The following GRB10 variants were observed in gnomAD, a reference collection of about 807,000 sequenced individuals.
GRB10 encodes growth factor receptor-bound protein 10.
Under a neutral mutation model 80.9 loss-of-function variants are expected in GRB10, and 20 were observed. That is an observed-to-expected ratio of 0.25 (90% CI 0.17 to 0.36). GRB10 has a LOEUF of 0.36. Among genes scored for constraint, GRB10 ranks in the 10% least tolerant of loss-of-function variants. The pLI is 1.00. For synonymous variants in GRB10, 291 were observed against 291.5 expected, an observed-to-expected ratio of 1.00 and a Z score of 0.02; for missense variants, 548 against 747.7, an observed-to-expected ratio of 0.73 and a Z score of 3.12.
intron 7 of GRB10, among the ~76,000 whole-genome samples, chr7:50,653,993 G>A (rs917155155): frequency 1.3e-5 from 2 of 152,182 alleles, no homozygotes; most frequent in Admixed American, 1.3e-4. Flanking sequence ...CTTGTGTTCC[G>A]TCTTCTCGGG....
intron 7 of GRB10, among the ~76,000 whole-genome samples, chr7:50,628,117 C>T (rs1218821716): frequency 6.6e-6 from 1 of 152,202 alleles, no homozygotes; most frequent in Admixed American, 6.5e-5. Context: ...TCAGAAAAAC[C>T]CCCGCTCAAT....
Position 50,604,392 on chromosome 7 carries a change from C to T in GRB10, c.1390-15G>A. ...GTGCTTCGCTTCTGCAAAAGAAATC[C>T]CACATTAGCACCGAGGACAGCAGAC... On this transcript the variant is annotated splice_polypyrimidine_tract_variant and intron_variant, in intron 15 of 18. Transcript: ENST00000401949. 5 of 1,607,326 alleles carry T rather than the reference C, an allele frequency of 3.1e-6. No individual in the cohort carries two copies. The highest frequency in any genetic ancestry group is 4.3e-6 in the Non-Finnish European group (5 of 1,175,080).
Position 50,703,730 on chromosome 7 carries a change from T to C in GRB10, c.139+91A>G, listed in dbSNP as rs1303910671. 1.3e-5 allele frequency: 11 copies of C among 869,340 alleles called. No homozygotes were observed. In the Admixed American group the frequency reaches 1.4e-4, roughly 11 times the overall value. The allele number at this position is 869,340 out of a possible 1,614,324, so 53.9% of individuals were successfully genotyped here. A position where few individuals can be genotyped will look rare whatever the true frequency, so the allele number is the denominator to read the frequency against. ...AACCAATGTTAGAATTGTAATCTAT[T>C]AGTGTCAAGAGCAACATTTTAGAAT... On this transcript the variant is annotated intron_variant, in intron 5 of 18. Coordinates refer to ENST00000401949, the MANE Select transcript of GRB10 (RefSeq NM_001350814.2).
At chr7:50,691,796 T>C (rs141204387) in intron 5 of GRB10, among the ~76,000 whole-genome samples, 30 of 152,342 alleles carry the variant, frequency 2.0e-4, no homozygotes, top group African/African-American at 6.7e-4. Context: ...GTATTTAGTG[T>C]CTGGGGTGGG....
chr7:50,783,936 T>G (rs2078565552), upstream of GRB10, among the ~76,000 whole-genome samples: 1 of 152,134 alleles, frequency 6.6e-6, no homozygotes, highest in African/African-American at 2.4e-5. Flanking sequence ...AGATATGCAC[T>G]CCAAAAGGAG....
chr7:50,715,187 G>A (rs2066657262), intron 4 of GRB10, among the ~76,000 whole-genome samples: 1 of 151,200 alleles, frequency 6.6e-6, no homozygotes, highest in South Asian at 2.1e-4. Flanking sequence ...GCTCCAGCCT[G>A]GGGCTCCCAG....
intron 4 of GRB10, among the ~76,000 whole-genome samples, chr7:50,727,274 T>C (rs370431220): frequency 2.4e-4 from 37 of 152,308 alleles, no homozygotes; most frequent in African/African-American, 8.2e-4. Flanking sequence ...TCCCCTCTAC[T>C]TGTCTGCACA....
intron 9 of GRB10, 96 bp from the exon 10 acceptor site, chr7:50,618,235 C>A (rs1054092523): frequency 1.9e-5 from 17 of 905,446 alleles, no homozygotes; most frequent in Non-Finnish European, 2.9e-5. Flanking sequence ...CTATTCCTAC[C>A]AGTATAATTA....
chr7:50,678,997 G>A (rs1039003156), intron 5 of GRB10, among the ~76,000 whole-genome samples: 2 of 152,202 alleles, frequency 1.3e-5, no homozygotes, highest in Non-Finnish European at 2.9e-5. Flanking sequence ...GGGAGGAATA[G>A]TGAAAGGTGA....
At chr7:50,640,787 T>C (rs1192792821) in intron 7 of GRB10, among the ~76,000 whole-genome samples, 1 of 152,232 alleles carries the variant, frequency 6.6e-6, no homozygotes, top group Non-Finnish European at 1.5e-5. Context: ...TTTTCCTAAA[T>C]TGGAATTAAC....
intron 3 of GRB10, among the ~76,000 whole-genome samples, chr7:50,744,061 C>T (rs547710229): frequency 3.9e-5 from 6 of 152,184 alleles, no homozygotes; most frequent in South Asian, 2.1e-4. Context: ...CCGCATTCAC[C>T]GAGAGTGGAT....
In GRB10 at chr7:50,616,204, G is replaced by A. The variant is rs2050617712; in HGVS notation, c.984+6C>T. ...AGGGCTGGTGGTGGTAGCTTTTAAA[G>A]CTCACCTTTGAAGTTCCCTTGGTGG... On this transcript the variant is annotated splice_donor_region_variant and intron_variant, in intron 11 of 18. Coordinates refer to ENST00000401949, the MANE Select transcript of GRB10 (RefSeq NM_001350814.2). 4.3e-6 allele frequency: 7 copies of A among 1,614,178 alleles called. No individual in the cohort carries two copies. The highest frequency in any genetic ancestry group is 3.3e-5 in the South Asian group (3 of 91,072).
chr7:50,619,307 T>G, intron 8 of GRB10, 22 bp from the exon 9 acceptor site: 1 of 1,394,120 alleles, frequency 7.2e-7, no homozygotes, highest in African/African-American at 1.4e-5. Context: ...AAGCATCACG[T>G]GTGAGACGCA....
At chr7:50,653,339 A>G (rs2058224858) in intron 7 of GRB10, among the ~76,000 whole-genome samples, 1 of 152,190 alleles carries the variant, frequency 6.6e-6, no homozygotes, top group Non-Finnish European at 1.5e-5. Flanking sequence ...CACAGCATAC[A>G]TAAGGGCTTG....
intron 1 of GRB10, among the ~76,000 whole-genome samples, chr7:50,789,171 G>A (rs1224835669): frequency 2.6e-5 from 4 of 152,198 alleles, no homozygotes; most frequent in Non-Finnish European, 5.9e-5. Context: ...AGAACATTCA[G>A]ATAAATTCAA....
chr7:50,685,679 G>C (rs1202047022), intron 5 of GRB10, among the ~76,000 whole-genome samples: 2 of 152,154 alleles, frequency 1.3e-5, no homozygotes, highest in Non-Finnish European at 2.9e-5. Context: ...CTGCTTGGCA[G>C]AGAGAAGAGT....
chr7:50,758,459 C>T (rs1387690420), intron 2 of GRB10, among the ~76,000 whole-genome samples: 5 of 152,204 alleles, frequency 3.3e-5, no homozygotes, highest in Non-Finnish European at 7.3e-5. Flanking sequence ...AAACAAAGGG[C>T]CTCTTGATTT....
chr7:50,653,198 C>T (rs1028941181), intron 7 of GRB10, among the ~76,000 whole-genome samples: 1 of 152,206 alleles, frequency 6.6e-6, no homozygotes, highest in Non-Finnish European at 1.5e-5. Flanking sequence ...TCTTCCTAGG[C>T]ACTGTCAGCC....
intron 4 of GRB10, among the ~76,000 whole-genome samples, chr7:50,717,831 C>T (rs1321914549): frequency 6.6e-6 from 1 of 152,234 alleles, no homozygotes; most frequent in Non-Finnish European, 1.5e-5. Context: ...GAGCGATGGT[C>T]AGATACACAG....
Sources: allele counts gnomAD v4.1 joint callset (sites outside exome capture counted in the v4.1 genomes callset), GRCh38; gene constraint gnomAD v4.1.1; transcripts MANE v1.5; gene names NCBI Gene and HGNC (gene_info 2026-07-23, HGNC 2026-07-21).